The following SMARCD3 variants were observed in gnomAD, a reference collection of about 807,000 sequenced individuals.
The protein encoded by SMARCD3 is SWI/SNF-related matrix-associated actin-dependent regulator of chromatin subfamily D member 3.
SMARCD3 carries 14 observed loss-of-function variants against 58.0 expected under a neutral mutation model. The ratio of observed to expected loss-of-function variants is 0.24; its 90% CI spans 0.16 to 0.38. SMARCD3 has a LOEUF of 0.38. SMARCD3 is among the 10% of genes least tolerant of loss of function. SMARCD3 has a pLI of 1.00. For synonymous variants in SMARCD3, 253 were observed against 253.8 expected (o/e 1.00, Z 0.03); for missense variants, 408 against 636.9 (o/e 0.64, Z 3.87).
chr7:151,247,714 G>A (rs576808970), intron 1 of SMARCD3, among the ~76,000 whole-genome samples: 2 of 73,966 alleles, frequency 2.7e-5, no homozygotes, highest in African/African-American at 8.7e-5. Context: ...CCTCCCAGCC[G>A]GGCCCTACTG....
At chr7:151,266,054 C>G (rs1478858648) in intron 2 of SMARCD3, among the ~76,000 whole-genome samples, 2 of 152,088 alleles carry the variant, frequency 1.3e-5, no homozygotes, top group African/African-American at 4.8e-5. Flanking sequence ...ACGGCAATCT[C>G]CACCTCCTGG....
chr7:151,275,788 C>A (rs904539540), intron 1 of SMARCD3, among the ~76,000 whole-genome samples: 2 of 152,162 alleles, frequency 1.3e-5, no homozygotes, highest in African/African-American at 4.8e-5. Context: ...TCCTTCCTTG[C>A]TGGAAGAGCA....
chr7:151,244,657 T>C (rs1440683794), intron 2 of SMARCD3, among the ~76,000 whole-genome samples: 1 of 152,240 alleles, frequency 6.6e-6, no homozygotes, highest in African/African-American at 2.4e-5. Context: ...CGATGCACTT[T>C]ACTAAAGAAT....
chr7:151,270,250 G>A (rs965148531), intron 2 of SMARCD3, among the ~76,000 whole-genome samples: 1 of 152,176 alleles, frequency 6.6e-6, no homozygotes, highest in Non-Finnish European at 1.5e-5. Flanking sequence ...GGGAGACGCG[G>A]GGCACAGGGC....
Position 151,241,536 on chromosome 7 carries a change from A to T in SMARCD3, c.895T>A (p.Ser299Thr), listed in dbSNP as rs1802985628. The stretch of plus-strand genomic sequence containing the variant: ...CCATTGATGTATTCCTTGTCATGGG[A>T]GTCCTGCAGCCTGTTGGTCTTCACA... Reference protein sequence around the residue: ...QYVKTNRLQDSHDKEYINGDK... With the variant: ...QYVKTNRLQDTHDKEYINGDK... Residue 299 changes from serine (S) to threonine (T), a missense_variant, in exon 8 of 13, where the codon TCC becomes ACC. By Grantham distance (58) the Ser-to-Thr change is moderately conservative (BLOSUM62 1). Coordinates refer to ENST00000262188, the MANE Select transcript of SMARCD3 (RefSeq NM_001003801.2). This position sits in a 1 kb window ranked among gnomAD's most constrained non-coding sequence, Gnocchi z 5.3. The T allele has an allele frequency of 6.2e-7, 1 of 1,612,028 alleles. No individual in the cohort carries two copies. Among genetic ancestry groups the T allele is most frequent in the African/African-American group, 1.3e-5 (1 of 74,888 alleles).
intron 2 of SMARCD3, among the ~76,000 whole-genome samples, chr7:151,262,436 T>A (rs1803947323): frequency 6.6e-6 from 1 of 152,214 alleles, no homozygotes; most frequent in African/African-American, 2.4e-5. Flanking sequence ...CTAGAAAAGC[T>A]GAGGTTTGGG....
Position 151,242,907 on chromosome 7 carries a change from T to C in SMARCD3, c.334-64A>G. 6.3e-7 allele frequency: 1 copy of C among 1,582,278 alleles called. No homozygotes were observed. The highest frequency in any genetic ancestry group is 8.6e-7 in the Non-Finnish European group (1 of 1,162,928). On this transcript the variant is annotated intron_variant, in intron 3 of 12. Transcript: ENST00000262188. This position sits in a 1 kb window ranked among gnomAD's most constrained non-coding sequence, Gnocchi z 4.7. ...GTCCAGGGTTGTACCATGGAATGTA[T>C]GCATGTTGTGCAATCCTAGGGTACA...
At chr7:151,251,352 A>G (rs1401106991), upstream of SMARCD3, among the ~76,000 whole-genome samples, 1 of 152,200 alleles carries the variant, frequency 6.6e-6, no homozygotes, top group Non-Finnish European at 1.5e-5. Context: ...TACAAGCACC[A>G]AAAGGTCGAG....
chr7:151,275,055 G>A (rs10249260), intron 2 of SMARCD3: 197,463 of 1,441,050 alleles, frequency 0.14, 14,339 homozygotes, highest in Admixed American at 0.18. Context: ...AGGGCTGGCC[G>A]ACTCGCCATG....
chr7:151,270,682 T>C (rs1795148301), intron 2 of SMARCD3, among the ~76,000 whole-genome samples: 1 of 151,934 alleles, frequency 6.6e-6, no homozygotes, highest in South Asian at 2.1e-4. Flanking sequence ...GGGAACAGCA[T>C]GTGTGAGGGC....
intron 2 of SMARCD3, among the ~76,000 whole-genome samples, chr7:151,270,582 C>T (rs1795145120): frequency 6.6e-6 from 1 of 152,154 alleles, no homozygotes; most frequent in Non-Finnish European, 1.5e-5. Context: ...GGGAGAAAGC[C>T]TCCCTGGAAG....
Position 151,239,959 on chromosome 7 carries a change from G to A in SMARCD3, c.1173+153C>T, listed in dbSNP as rs544402225. ...GCTCCAAGCAGCATGGACGGGCCATGTGTGTCCCATTGGCCCAGAGTCTGG... is the reference window on the plus strand; with the variant it reads ...GCTCCAAGCAGCATGGACGGGCCATATGTGTCCCATTGGCCCAGAGTCTGG... On this transcript the variant is annotated intron_variant, in intron 10 of 12. Transcript: ENST00000262188. This position sits in a 1 kb window ranked among gnomAD's most constrained non-coding sequence, Gnocchi z 7.0. Among the ~76,000 whole-genome samples the A allele has an allele frequency of 6.6e-6, 1 of 150,914 alleles. No homozygotes were observed. Among genetic ancestry groups the A allele is most frequent in the East Asian group, 2.0e-4 (1 of 5,104 alleles).
intron 2 of SMARCD3, among the ~76,000 whole-genome samples, chr7:151,267,693 C>G (rs1795041071): frequency 6.6e-6 from 1 of 152,220 alleles, no homozygotes. Flanking sequence ...GAAGTGACAG[C>G]AGGCCAGGTG....
intron 2 of SMARCD3, among the ~76,000 whole-genome samples, chr7:151,261,780 G>A (rs1052386654): frequency 1.7e-4 from 26 of 152,304 alleles, no homozygotes; most frequent in African/African-American, 5.1e-4. Context: ...GCCCTTCAGC[G>A]GCAGGCTCAT....
Position 151,242,976 on chromosome 7 carries a change from G to T in SMARCD3, c.334-133C>A. 1.9e-6 allele frequency: 2 copies of T among 1,062,310 alleles called. No homozygotes were observed. The highest frequency in any genetic ancestry group is 1.4e-6 in the Non-Finnish European group (1 of 739,206). The allele number at this position is 1,062,310 out of a possible 1,614,324, so 65.8% of individuals were successfully genotyped here. ...ATCCTACTTTTGGGCATGTAGCTTTGACAGTGGGAACAGGACCTCTCCCCA... is the reference window on the plus strand; with the variant it reads ...ATCCTACTTTTGGGCATGTAGCTTTTACAGTGGGAACAGGACCTCTCCCCA... On this transcript the variant is annotated intron_variant, in intron 3 of 12. Transcript: ENST00000262188. The surrounding 1 kb of genome is among the most constrained non-coding windows in gnomAD (Gnocchi z 4.7).
intron 8 of SMARCD3, 174 bp from the exon 9 acceptor site, chr7:151,240,696 G>C: frequency 1.7e-6 from 1 of 590,646 alleles, no homozygotes; most frequent in Non-Finnish European, 3.0e-6. Context: ...CACCGGTATG[G>C]CTGACAAGAT....
chr7:151,238,897 C>A lies in SMARCD3; in HGVS notation c.*206G>T. The A allele has an allele frequency of 8.6e-7, 1 of 1,159,066 alleles. No homozygotes were observed. The highest frequency in any genetic ancestry group is 1.2e-6 in the Non-Finnish European group (1 of 814,036). 71.8% of individuals were successfully genotyped at this position (1,159,066 alleles called of 1,614,324 possible). A position where few individuals can be genotyped will look rare whatever the true frequency, so the allele number is the denominator to read the frequency against. On this transcript the variant is annotated 3_prime_UTR_variant, in exon 13 of 13. Coordinates refer to ENST00000262188, the MANE Select transcript of SMARCD3 (RefSeq NM_001003801.2). Reference sequence around the variant, plus strand: ...GGGAATGGGGAGTCGTCCCGAGGGACCCACTGCCTCCCCACCTTCTTCCCT... The same window carrying A: ...GGGAATGGGGAGTCGTCCCGAGGGAACCACTGCCTCCCCACCTTCTTCCCT...
chr7:151,246,001 A>C lies in SMARCD3; in HGVS notation c.79-330T>G. The C allele has an allele frequency of 2.0e-5, 4 of 196,604 alleles. No homozygotes were observed. Among genetic ancestry groups the C allele is most frequent in the Non-Finnish European group, 3.1e-5 (3 of 97,070 alleles). 12.2% of individuals were successfully genotyped at this position (196,604 alleles called of 1,614,324 possible). On this transcript the variant is annotated intron_variant, in intron 1 of 12. Transcript: ENST00000262188. This position sits in a 1 kb window ranked among gnomAD's most constrained non-coding sequence, Gnocchi z 4.4. ...ACCTTTCAAAGATGTTCACATCCAC[A>C]TGCTCCTCTGCAAGACAGCCTGAGC...
intron 2 of SMARCD3, among the ~76,000 whole-genome samples, chr7:151,269,915 G>C (rs1795118141): frequency 6.6e-6 from 1 of 152,240 alleles, no homozygotes; most frequent in African/African-American, 2.4e-5. Flanking sequence ...TGGCTGGAAA[G>C]GGAGAGCTCA....
Sources: allele counts gnomAD v4.1 joint callset (sites outside exome capture counted in the v4.1 genomes callset), GRCh38; gene constraint gnomAD v4.1.1; non-coding constraint Gnocchi (gnomAD v3.1); transcripts MANE v1.5; gene names NCBI Gene and HGNC (gene_info 2026-07-23, HGNC 2026-07-21).